The following DYNC1LI1 variants were observed in gnomAD, a reference collection of about 807,000 sequenced individuals.
DYNC1LI1 encodes the protein cytoplasmic dynein 1 light intermediate chain 1.
DYNC1LI1 carries 19 observed loss-of-function variants against 63.8 expected under a neutral mutation model. The ratio of observed to expected loss-of-function variants is 0.30; its 90% CI spans 0.21 to 0.44. The LOEUF (loss-of-function observed/expected upper bound fraction) is 0.44. DYNC1LI1 is among the 20% of genes least tolerant of loss of function. The pLI is 1.00. For missense variants in DYNC1LI1, 565 were observed against 630.2 expected (o/e 0.90, Z 1.11); for synonymous variants, 225 against 232.3 (o/e 0.97, Z 0.28).
Position 32,528,502 on chromosome 3 carries a change from G to A in DYNC1LI1, c.1406C>T (p.Pro469Leu), listed in dbSNP as rs1240362072. ...GCTTCCACCTCCAGCCCCACCTGCAGGGCTACCACCACTCACACCAGGGCC... is the reference window on the plus strand; with the variant it reads ...GCTTCCACCTCCAGCCCCACCTGCAAGGCTACCACCACTCACACCAGGGCC... Reference protein sequence around the residue: ...PGGPGVSGGSPAGGAGGGSSG... With the variant: ...PGGPGVSGGSLAGGAGGGSSG... Residue 469 changes from proline to leucine, a missense_variant, in exon 12 of 13, where the codon CCT becomes CTT. By Grantham distance (98) the Pro-to-Leu change is moderately conservative. Coordinates refer to ENST00000273130, the MANE Select transcript of DYNC1LI1 (RefSeq NM_016141.4). The A allele has an allele frequency of 6.2e-7, 1 of 1,614,138 alleles. No individual in the cohort carries two copies. Among genetic ancestry groups the A allele is most frequent in the South Asian group, 1.1e-5 (1 of 91,078 alleles).
rs1697820996 is a variant in DYNC1LI1, at chr3:32,538,048, A to ATATATATATATATAAT, written c.739-945_739-944insATTATATATATATATA. ...TTTATATATATAATATATATATATA[A>ATATATATATATATAAT]TTATATATATATAATTTATTATATA... On this transcript the variant is annotated intron_variant, in intron 5 of 12. Transcript: ENST00000273130. Among the ~76,000 whole-genome samples the ATATATATATATATAAT allele has an allele frequency of 5.8e-5, 2 of 34,782 alleles. 1 individual carries two copies. The highest frequency in any genetic ancestry group is 2.8e-4 in the African/African-American group (2 of 7,266). The allele number at this position is 34,782 out of a possible 152,430, so 22.8% of individuals were successfully genotyped here. A position where few individuals can be genotyped will look rare whatever the true frequency, so the allele number is the denominator to read the frequency against.
chr3:32,557,730 A>G (rs959734471), intron 2 of DYNC1LI1, among the ~76,000 whole-genome samples: 1 of 152,204 alleles, frequency 6.6e-6, no homozygotes, highest in African/African-American at 2.4e-5. Context: ...TGGCCAATAC[A>G]GAAAAGGGGT....
intron 2 of DYNC1LI1, chr3:32,570,062 A>G (rs1698321396): frequency 7.1e-6 from 4 of 560,966 alleles, no homozygotes; most frequent in South Asian, 6.0e-5. Context: ...AGAATCCCTC[A>G]GATGAGCGAT....
chr3:32,552,771 T>C (rs1054540377), intron 2 of DYNC1LI1, among the ~76,000 whole-genome samples: 2 of 152,176 alleles, frequency 1.3e-5, no homozygotes, highest in African/African-American at 4.8e-5. Context: ...AGGGGTGCGA[T>C]CTTGGCTCAC....
At position 32,545,008 on chromosome 3, in the gene DYNC1LI1, C is replaced by G; in HGVS notation, c.436G>C (p.Val146Leu). ...TTTGACATGTCAACAACCAGCATAA[C>G]TAGAGTATCCTTCAGAGATACGGCA... Reference protein sequence around the residue: ...LDAVSLKDTLVMLVVDMSKPW... With the variant: ...LDAVSLKDTLLMLVVDMSKPW... Residue 146 changes from valine to leucine, a missense_variant, in exon 4 of 13, where the codon GTT becomes CTT. Physicochemically the swap from Val to Leu is conservative, Grantham distance 32. Coordinates refer to ENST00000273130, the MANE Select transcript of DYNC1LI1 (RefSeq NM_016141.4). 3.7e-6 allele frequency: 6 copies of G among 1,614,070 alleles called. No homozygotes were observed. The highest frequency in any genetic ancestry group is 5.1e-6 in the Non-Finnish European group (6 of 1,179,970).
At chr3:32,568,599 T>C (rs186459378) in intron 2 of DYNC1LI1, among the ~76,000 whole-genome samples, 1 of 151,956 alleles carries the variant, frequency 6.6e-6, no homozygotes, top group Admixed American at 6.6e-5. Flanking sequence ...ACAGACCCAG[T>C]GTCAAAGGGG....
chr3:32,538,922 T>C (rs192543023), intron 5 of DYNC1LI1, among the ~76,000 whole-genome samples: 4 of 152,294 alleles, frequency 2.6e-5, no homozygotes, highest in African/African-American at 4.8e-5. Context: ...GATAGTGTCT[T>C]AGATTTTATG....
chr3:32,566,220 C>T (rs1201998668), intron 2 of DYNC1LI1, among the ~76,000 whole-genome samples: 1 of 151,808 alleles, frequency 6.6e-6, no homozygotes, highest in Non-Finnish European at 1.5e-5. Flanking sequence ...TGCAGTGAGC[C>T]GAGATTATGC....
intron 2 of DYNC1LI1, among the ~76,000 whole-genome samples, chr3:32,568,899 ATATAT>A (rs1373697739): frequency 5.3e-5 from 8 of 152,172 alleles, no homozygotes; most frequent in East Asian, 1.9e-4. Context: ...TAAACTAAAA[ATATAT>A]TATACAATTT....
Position 32,528,525 on chromosome 3 carries a change from G to A in DYNC1LI1, c.1383C>T (p.Gly461=). ...LLSKKTGSPG[G]PGVSGGSPAG... The stretch of plus-strand genomic sequence containing the variant: ...CAGGGCTACCACCACTCACACCAGG[G>A]CCTCCTGGAGAGCCAGTCTTTTTAC... The change falls in exon 12 of 13, where the codon GGC becomes GGT. Residue 461 remains glycine (G), a synonymous_variant. Transcript: ENST00000273130. 6.2e-7 allele frequency: 1 copy of A among 1,613,990 alleles called. No individual in the cohort carries two copies. Among genetic ancestry groups the A allele is most frequent in the Non-Finnish European group, 8.5e-7 (1 of 1,179,950 alleles).
At chr3:32,557,935 T>C (rs1698137339) in intron 2 of DYNC1LI1, among the ~76,000 whole-genome samples, 1 of 152,228 alleles carries the variant, frequency 6.6e-6, no homozygotes, top group Admixed American at 6.5e-5. Context: ...CTTTAGGTGA[T>C]GATGCTAAAA....
chr3:32,538,376 T>A (rs977419105), intron 5 of DYNC1LI1, among the ~76,000 whole-genome samples: 4 of 151,696 alleles, frequency 2.6e-5, no homozygotes, highest in African/African-American at 9.7e-5. Context: ...ATTGACACTT[T>A]TGGAAAGGCA....
Position 32,570,667 on chromosome 3 carries a change from CCGTTGCCCGACGCTATCT to C in DYNC1LI1, c.86_103del (p.Glu29_Asn34del). On this transcript the variant is annotated inframe_deletion, in exon 1 of 13. Coordinates refer to ENST00000273130, the MANE Select transcript of DYNC1LI1 (RefSeq NM_016141.4). ...CTCGTCGTCGCCTGCCGCGGCGCCACCGTTGCCCGACGCTATCTCGTTGCCCAAGGGGCCGCCAGTGTA... is the reference window on the plus strand; with the variant it reads ...CTCGTCGTCGCCTGCCGCGGCGCCACCGTTGCCCAAGGGGCCGCCAGTGTA... 2 of 1,602,334 alleles carry C rather than the reference CCGTTGCCCGACGCTATCT, an allele frequency of 1.2e-6. No homozygotes were observed. The highest frequency in any genetic ancestry group is 1.7e-6 in the Non-Finnish European group (2 of 1,174,876).
At position 32,545,944 on chromosome 3, in the gene DYNC1LI1, GT is replaced by G; in HGVS notation, c.241del (p.Thr81GlnfsTer3). ...TCCCTGAATTTTTCTTATTAAGCTTGTTTTTCCAGCTCCATCTTCACCTAGA... is the reference window on the plus strand; with the variant it reads ...TCCCTGAATTTTTCTTATTAAGCTTGTTTTCCAGCTCCATCTTCACCTAGA... ...LLLGEDGAGK[T>X]SLIRKIQGIE... On this transcript the variant is annotated frameshift_variant, in exon 3 of 13. Coordinates refer to ENST00000273130, the MANE Select transcript of DYNC1LI1 (RefSeq NM_016141.4). LOFTEE classifies it high-confidence loss of function. The G allele has an allele frequency of 6.2e-7, 1 of 1,608,982 alleles. No individual in the cohort carries two copies. The highest frequency in any genetic ancestry group is 1.3e-5 in the African/African-American group (1 of 74,832).
Position 32,570,353 on chromosome 3 carries a change from T to C in DYNC1LI1, c.213A>G (p.Leu71=), listed in dbSNP as rs889906156. ...GAGGCAGGGAACACTTACCCAGCAG[T>C]AGCACGTTCTTCCCCGCAGGGAGCT... ...RSKLPAGKNV[L]LLGEDGAGKT... Residue 71 remains leucine (L), a synonymous_variant, in exon 2 of 13, where the codon CTA becomes CTG. Coordinates refer to ENST00000273130, the MANE Select transcript of DYNC1LI1 (RefSeq NM_016141.4). 5 of 1,587,190 alleles carry C rather than the reference T, an allele frequency of 3.2e-6. No individual in the cohort carries two copies. In the African/African-American group the frequency reaches 6.7e-5, roughly 21 times the overall value.
chr3:32,558,421 AAAAAG>A (rs1213080693), intron 2 of DYNC1LI1, among the ~76,000 whole-genome samples: 6 of 150,552 alleles, frequency 4.0e-5, no homozygotes, highest in South Asian at 4.2e-4. Flanking sequence ...AAAAAAAAAA[AAAAAG>A]AAAAGAAAAA....
chr3:32,532,900 C>T (rs1704399196), intron 8 of DYNC1LI1, 86 bp downstream of exon 8: 2 of 1,414,414 alleles, frequency 1.4e-6, no homozygotes, highest in South Asian at 1.7e-5. Flanking sequence ...GACATTTTTG[C>T]CTTTCTACAT....
chr3:32,561,354 C>T (rs765807631), intron 2 of DYNC1LI1, among the ~76,000 whole-genome samples: 7 of 152,018 alleles, frequency 4.6e-5, no homozygotes, highest in South Asian at 2.1e-4. Flanking sequence ...TGTGGCCAGG[C>T]GTGGTGGCTC....
chr3:32,562,080 C>T (rs1216650294), intron 2 of DYNC1LI1, among the ~76,000 whole-genome samples: 4 of 152,104 alleles, frequency 2.6e-5, no homozygotes, highest in Non-Finnish European at 5.9e-5. Context: ...TGAGACCAGG[C>T]TGGGCAACAT....
Sources: allele counts gnomAD v4.1 joint callset (sites outside exome capture counted in the v4.1 genomes callset), GRCh38; gene constraint gnomAD v4.1.1; transcripts MANE v1.5; gene names NCBI Gene and HGNC (gene_info 2026-07-23, HGNC 2026-07-21).